The following SLIT1 variants were observed in gnomAD, a reference collection of about 807,000 sequenced individuals.
The protein encoded by SLIT1 is slit guidance ligand 1.
Under a neutral mutation model 186.1 loss-of-function variants are expected in SLIT1, and 66 were observed. That is an observed-to-expected ratio of 0.35 (90% CI 0.29 to 0.44). The LOEUF (loss-of-function observed/expected upper bound fraction) is 0.44. Ranked by LOEUF, SLIT1 falls within the 20% of genes least tolerant of loss-of-function variation. The pLI, the probability that SLIT1 is intolerant of heterozygous loss-of-function variation, is 1.00. For missense variants in SLIT1, 1,638 were observed against 2,037.4 expected, an observed-to-expected ratio of 0.80 and a Z score of 3.77; for synonymous variants, 761 against 833.8, an observed-to-expected ratio of 0.91 and a Z score of 1.50.
At chr10:97,023,054 CTTT>C (rs777753810) in intron 25 of SLIT1, among the ~76,000 whole-genome samples, 1 of 144,810 alleles carries the variant, frequency 6.9e-6, no homozygotes. Flanking sequence ...ATACGTGCCT[CTTT>C]TTTTTTTTTT....
intron 11 of SLIT1, chr10:97,057,908 G>A (rs921786887): frequency 3.4e-5 from 24 of 700,958 alleles, no homozygotes; most frequent in Admixed American, 8.1e-5. Flanking sequence ...GAGGGGGGTT[G>A]TATGCCATTC....
chr10:97,053,636 C>A (rs1329566354), intron 13 of SLIT1, among the ~76,000 whole-genome samples: 3 of 152,142 alleles, frequency 2.0e-5, no homozygotes, highest in African/African-American at 7.2e-5. Flanking sequence ...ATAATTAATG[C>A]TCATTAAATG....
Sources: allele counts gnomAD v4.1 joint callset (sites outside exome capture counted in the v4.1 genomes callset), GRCh38; gene constraint gnomAD v4.1.1; transcripts MANE v1.5; gene names NCBI Gene and HGNC (gene_info 2026-07-23, HGNC 2026-07-21).